METTL25: variants seen among roughly 807,000 people sequenced by gnomAD.
METTL25 encodes methyltransferase like 25, also known as probable methyltransferase-like protein 25.
A neutral mutation model predicts 71.6 loss-of-function variants in METTL25; 64 were observed. That is an observed-to-expected ratio of 0.89 (90% confidence interval 0.73 to 1.10). The LOEUF (loss-of-function observed/expected upper bound fraction) is 1.10. Ranked by LOEUF, METTL25 falls within the 50% of genes least tolerant of loss-of-function variation. The pLI is 0.00. For missense variants in METTL25, 807 were observed against 707.0 expected (o/e 1.14, Z -1.60); for synonymous variants, 287 against 250.3 (o/e 1.15, Z -1.38).
At chr12:82,386,094 G>A (rs1305143043) in intron 1 of METTL25, among the ~76,000 whole-genome samples, 1 of 152,126 alleles carries the variant, frequency 6.6e-6, no homozygotes, top group Non-Finnish European at 1.5e-5. Context: ...CTTATAGAAA[G>A]TCTGGTTTAA....
At chr12:82,412,664 A>G (rs1055887304) in intron 5 of METTL25, among the ~76,000 whole-genome samples, 2 of 152,214 alleles carry the variant, frequency 1.3e-5, no homozygotes. Context: ...GTGTTATCCT[A>G]TGTTTACCAA....
intron 5 of METTL25, among the ~76,000 whole-genome samples, chr12:82,423,237 A>G (rs1473476324): frequency 2.0e-5 from 3 of 152,188 alleles, no homozygotes; most frequent in East Asian, 1.9e-4. Context: ...AAATAATACT[A>G]CACATCTACA....
chr12:82,428,576 C>T (rs1330438954), intron 5 of METTL25, among the ~76,000 whole-genome samples: 2 of 151,836 alleles, frequency 1.3e-5, no homozygotes, highest in Non-Finnish European at 2.9e-5. Context: ...AGCCCAGAGT[C>T]CCTAGGACTT....
intron 9 of METTL25, among the ~76,000 whole-genome samples, chr12:82,461,263 TA>T (rs1208482276): frequency 2.6e-5 from 4 of 152,234 alleles, no homozygotes; most frequent in African/African-American, 9.6e-5. Flanking sequence ...GTTATATATT[TA>T]TTTTTTAGAA....
At chr12:82,469,419 C>T (rs1383658375) in intron 9 of METTL25, among the ~76,000 whole-genome samples, 9 of 152,184 alleles carry the variant, frequency 5.9e-5, no homozygotes, top group Middle Eastern at 3.4e-3. Context: ...ACAAACACAT[C>T]CTTCTTCACA....
At chr12:82,430,753 C>T (rs927007879) in intron 5 of METTL25, 140 bp from the exon 6 acceptor site, 9 of 514,556 alleles carry the variant, frequency 1.7e-5, no homozygotes, top group Non-Finnish European at 3.1e-5. Flanking sequence ...CTGGAAGGAA[C>T]TGTTAAACAT....
intron 1 of METTL25, 133 bp downstream of exon 1, chr12:82,358,957 A>T (rs1881385065): frequency 1.1e-6 from 1 of 888,770 alleles, no homozygotes; most frequent in Non-Finnish European, 1.7e-6. Context: ...TGGGAAACCG[A>T]GGAGGGGTCG....
chr12:82,409,539 CT>C (rs1887384825), intron 5 of METTL25, among the ~76,000 whole-genome samples: 1 of 152,012 alleles, frequency 6.6e-6, no homozygotes, highest in Non-Finnish European at 1.5e-5. Context: ...ATTTTTTCTT[CT>C]TTGCTAACTG....
chr12:82,476,477 A>C (rs962722939), intron 9 of METTL25, 167 bp from the exon 10 acceptor site: 2 of 566,724 alleles, frequency 3.5e-6, no homozygotes, highest in African/African-American at 3.9e-5. Context: ...AATTTTAAGT[A>C]ATTTAGAGTT....
At position 82,416,651 on chromosome 12, in the gene METTL25, T is replaced by G. The variant is rs12422682; in HGVS notation, c.1279+13521T>G. Among the ~76,000 whole-genome samples, 786 of 152,062 alleles carry G rather than the reference T, an allele frequency of 5.2e-3. 4 individuals are homozygous for G. Among genetic ancestry groups the G allele is most frequent in the Admixed American group, 0.028 (427 of 15,224 alleles). On this transcript the variant is annotated intron_variant, in intron 5 of 11. Coordinates refer to ENST00000248306, the MANE Select transcript of METTL25 (RefSeq NM_032230.3). Reference sequence around the variant, plus strand: ...GTTTTGTTTTGTTTTGTTTTTGTCATAAAGACAGGGTTTCACTATGTTGCT... The same window carrying G: ...GTTTTGTTTTGTTTTGTTTTTGTCAGAAAGACAGGGTTTCACTATGTTGCT...
intron 8 of METTL25, among the ~76,000 whole-genome samples, chr12:82,443,009 A>G (rs1032501026): frequency 4.0e-5 from 6 of 151,816 alleles, no homozygotes; most frequent in African/African-American, 1.4e-4. Flanking sequence ...GGATCAAAAA[A>G]CAAAAAAAAA....
At chr12:82,466,446 G>A (rs1892238932) in intron 9 of METTL25, among the ~76,000 whole-genome samples, 1 of 151,526 alleles carries the variant, frequency 6.6e-6, no homozygotes, top group Non-Finnish European at 1.5e-5. Flanking sequence ...TTCCATTGTG[G>A]TCAGATAAGA....
At position 82,386,886 on chromosome 12, in the gene METTL25, T is replaced by C; in HGVS notation, c.343T>C (p.Tyr115His). 1 of 1,613,510 alleles carries C rather than the reference T, an allele frequency of 6.2e-7. No individual in the cohort carries two copies. The highest frequency in any genetic ancestry group is 8.5e-7 in the Non-Finnish European group (1 of 1,179,604). ...VEAFALAAKY[Y>H]SVQNLGICTP... is the part of the protein sequence containing the mutation. ...AGCCTTTGCTCTGGCTGCGAAATAC[T>C]ATTCTGTACAAAACTTGGGAATATG... The change falls in exon 2 of 12, where the codon TAT (tyrosine) becomes CAT (histidine). Residue 115 changes from tyrosine (Y) to histidine (H), a missense_variant. Transcript: ENST00000248306.
intron 8 of METTL25, among the ~76,000 whole-genome samples, chr12:82,455,576 T>A (rs73153559): frequency 0.058 from 8,826 of 152,006 alleles, 331 homozygotes; most frequent in Middle Eastern, 0.12. Context: ...AGACTTCAGT[T>A]CAACTAAGAT....
At chr12:82,467,855 A>G (rs1176076662) in intron 9 of METTL25, among the ~76,000 whole-genome samples, 1 of 152,068 alleles carries the variant, frequency 6.6e-6, no homozygotes, top group Non-Finnish European at 1.5e-5. Context: ...GTTTTCAACT[A>G]TTATTTAATT....
intron 5 of METTL25, among the ~76,000 whole-genome samples, chr12:82,430,295 A>G (rs568935288): frequency 7.8e-6 from 1 of 128,192 alleles, no homozygotes; most frequent in African/African-American, 2.9e-5. Context: ...TGATTAAGTA[A>G]TGAACATTGA....
chr12:82,441,806 A>AACACACACACACACACACACACACACAC (rs57098687), intron 8 of METTL25, among the ~76,000 whole-genome samples: 3 of 133,984 alleles, frequency 2.2e-5, no homozygotes, highest in African/African-American at 8.5e-5. Context: ...AAAAAATAGA[A>AACACACACACACACACACACACACACAC]ACACACACAC....
chr12:82,466,873 T>C (rs1328134345), intron 9 of METTL25, among the ~76,000 whole-genome samples: 2 of 152,164 alleles, frequency 1.3e-5, no homozygotes, highest in African/African-American at 4.8e-5. Flanking sequence ...TGGCTTGAAT[T>C]CTATTTTGCC....
intron 5 of METTL25, among the ~76,000 whole-genome samples, chr12:82,426,707 C>CGG (rs1889053950): frequency 6.6e-5 from 10 of 151,992 alleles, no homozygotes; most frequent in African/African-American, 2.4e-4. Context: ...TCTCCAATCA[C>CGG]AGCCCCATGG....
Sources: allele counts gnomAD v4.1 joint callset (sites outside exome capture counted in the v4.1 genomes callset), GRCh38; gene constraint gnomAD v4.1.1; transcripts MANE v1.5; gene names NCBI Gene and HGNC (gene_info 2026-07-23, HGNC 2026-07-21).